CCSER1: variants seen among roughly 807,000 people sequenced by gnomAD.
The protein encoded by CCSER1 is serine-rich coiled-coil domain-containing protein 1.
CCSER1 carries 41 observed loss-of-function variants against 82.0 expected under a neutral mutation model. The ratio of observed to expected loss-of-function variants is 0.50; its 90% CI spans 0.39 to 0.65. The LOEUF (loss-of-function observed/expected upper bound fraction) is 0.65, where lower values mean the gene tolerates loss of function less well. Ranked by LOEUF, CCSER1 falls within the 30% of genes least tolerant of loss-of-function variation. The pLI, the probability that CCSER1 is intolerant of heterozygous loss-of-function variation, is 0.00. For synonymous variants in CCSER1, 414 were observed against 383.9 expected, an observed-to-expected ratio of 1.08 and a Z score of -0.92; for missense variants, 1,119 against 1,064.2, an observed-to-expected ratio of 1.05 and a Z score of -0.72.
chr4:91,224,118 T>C (rs1376912048), intron 10 of CCSER1, among the ~76,000 whole-genome samples: 5 of 149,408 alleles, frequency 3.3e-5, no homozygotes, highest in Non-Finnish European at 3.0e-5. Flanking sequence ...TATTAATAAC[T>C]CCCGCGCTTA....
intron 6 of CCSER1, among the ~76,000 whole-genome samples, chr4:90,636,002 A>G (rs77739233): frequency 0.053 from 8,035 of 151,968 alleles, 330 homozygotes; most frequent in East Asian, 0.18. Context: ...AATTAAAAAC[A>G]AATAATAAGC....
chr4:91,215,338 A>C (rs1737156613), intron 10 of CCSER1, among the ~76,000 whole-genome samples: 1 of 152,208 alleles, frequency 6.6e-6, no homozygotes, highest in African/African-American at 2.4e-5. Context: ...TACTATACAT[A>C]TTTATTAATG....
At chr4:90,984,593 G>A (rs1039778579) in intron 9 of CCSER1, among the ~76,000 whole-genome samples, 2 of 151,664 alleles carry the variant, frequency 1.3e-5, no homozygotes, top group Admixed American at 1.3e-4. Context: ...CCCATGCCTG[G>A]ATCAATAACT....
chr4:90,663,023 G>T (rs896212239), intron 6 of CCSER1, among the ~76,000 whole-genome samples: 1 of 151,972 alleles, frequency 6.6e-6, no homozygotes, highest in African/African-American at 2.4e-5. Context: ...TTATGTTTTT[G>T]TTCTCTATAA....
chr4:90,735,905 T>C (rs1202468403), intron 7 of CCSER1, among the ~76,000 whole-genome samples: 1 of 152,124 alleles, frequency 6.6e-6, no homozygotes, highest in Non-Finnish European at 1.5e-5. Context: ...TATGTTGTGT[T>C]TTCATGTTCA....
At chr4:90,840,437 C>CA (rs1762442716) in intron 8 of CCSER1, among the ~76,000 whole-genome samples, 1 of 152,194 alleles carries the variant, frequency 6.6e-6, no homozygotes, top group African/African-American at 2.4e-5. Flanking sequence ...CCTTGAAGAA[C>CA]TTTCCTACAT....
chr4:90,628,188 G>A lies in CCSER1; in HGVS notation c.1888G>A (p.Ala630Thr). ...CAGACTGATGTTACAGGACTGCACG[G>A]CAGTCAAGACGTTATTATTAAAGAT... ...PFRLMLQDCTAVKTLLLKMKR... is the reference protein window; with the variant it reads ...PFRLMLQDCTTVKTLLLKMKR... The change falls in exon 6 of 11, where the codon GCA becomes ACA. Residue 630 changes from alanine to threonine, a missense_variant. Coordinates refer to ENST00000509176, the MANE Select transcript of CCSER1 (RefSeq NM_001145065.2). The A allele has an allele frequency of 1.2e-6, 2 of 1,613,854 alleles. No individual in the cohort carries two copies. The highest frequency in any genetic ancestry group is 2.2e-5 in the East Asian group (1 of 44,870).
chr4:91,517,142 A>C (rs1416889629), intron 10 of CCSER1, among the ~76,000 whole-genome samples: 1 of 152,170 alleles, frequency 6.6e-6, no homozygotes, highest in Non-Finnish European at 1.5e-5. Context: ...TGTTGTTGAA[A>C]AATGAGATAG....
intron 4 of CCSER1, among the ~76,000 whole-genome samples, chr4:90,459,979 A>C (rs941050374): frequency 6.6e-6 from 1 of 152,162 alleles, no homozygotes; most frequent in African/African-American, 2.4e-5. Flanking sequence ...GTGAGCTTTC[A>C]ATTTTATTGT....
intron 6 of CCSER1, among the ~76,000 whole-genome samples, chr4:90,667,808 A>G (rs1310206671): frequency 1.2e-4 from 18 of 152,104 alleles, no homozygotes; most frequent in Non-Finnish European, 2.1e-4. Context: ...TGTGTTAGCT[A>G]TTATTATTAA....
chr4:90,338,990 A>G (rs1041918649), intron 3 of CCSER1, among the ~76,000 whole-genome samples: 1 of 152,226 alleles, frequency 6.6e-6, no homozygotes, highest in African/African-American at 2.4e-5. Context: ...TGTTGAATAA[A>G]TGACATGTTG....
At chr4:91,115,841 T>TTTTATA (rs747363416) in intron 10 of CCSER1, among the ~76,000 whole-genome samples, 7 of 115,212 alleles carry the variant, frequency 6.1e-5, no homozygotes, top group Admixed American at 3.0e-4. Flanking sequence ...TTCCATTCTT[T>TTTTATA]TATATATATA....
intron 7 of CCSER1, among the ~76,000 whole-genome samples, chr4:90,751,344 G>T (rs1474190720): frequency 6.6e-6 from 1 of 152,086 alleles, no homozygotes; most frequent in Non-Finnish European, 1.5e-5. Flanking sequence ...ACATTTTTAT[G>T]TGGTAAAAAC....
chr4:90,546,538 C>T (rs954444014), intron 5 of CCSER1, among the ~76,000 whole-genome samples: 6 of 151,948 alleles, frequency 3.9e-5, no homozygotes, highest in East Asian at 1.9e-4. Flanking sequence ...CATTAGTATG[C>T]TAATGGTGTA....
intron 8 of CCSER1, among the ~76,000 whole-genome samples, chr4:90,886,587 AG>A (rs1722155659): frequency 6.6e-6 from 1 of 152,210 alleles, no homozygotes; most frequent in Admixed American, 6.5e-5. Flanking sequence ...AATCACTGTT[AG>A]TAAAAATTGT....
At chr4:90,214,152 T>G (rs1438807102) in intron 1 of CCSER1, among the ~76,000 whole-genome samples, 2 of 152,142 alleles carry the variant, frequency 1.3e-5, no homozygotes, top group Non-Finnish European at 2.9e-5. Context: ...TGGAACGCAG[T>G]GCAAATATGG....
intron 3 of CCSER1, among the ~76,000 whole-genome samples, chr4:90,393,401 A>G (rs1196903005): frequency 6.6e-6 from 1 of 152,200 alleles, no homozygotes; most frequent in Non-Finnish European, 1.5e-5. Context: ...ACGGAAATGT[A>G]TATCTTGGCA....
At chr4:90,939,202 T>C (rs1006832840) in intron 9 of CCSER1, among the ~76,000 whole-genome samples, 3 of 152,128 alleles carry the variant, frequency 2.0e-5, no homozygotes, top group Admixed American at 6.6e-5. Flanking sequence ...CTACAGTCTT[T>C]TTTCCCTCGC....
chr4:90,808,078 A>G (rs1757763324), intron 7 of CCSER1, among the ~76,000 whole-genome samples: 1 of 152,162 alleles, frequency 6.6e-6, no homozygotes, highest in Admixed American at 6.5e-5. Context: ...GAGAACCCAG[A>G]AATAAAACCA....
Sources: gnomAD v4.1 joint callset for allele counts (sites outside exome capture counted in the v4.1 genomes callset) on GRCh38, gnomAD v4.1.1 for gene constraint, MANE v1.5 for transcripts, NCBI Gene and HGNC (gene_info 2026-07-23, HGNC 2026-07-21) for gene names.